PNMA8C: variants seen among roughly 807,000 people sequenced by gnomAD.
PNMA8C encodes PNMA family member 8C.
At position 46,424,929 on chromosome 19, in the gene PNMA8C, T is replaced by C. The variant is rs1969408559; in HGVS notation, c.*2816A>G. On this transcript the variant is annotated 3_prime_UTR_variant, in exon 1 of 1. Transcript: ENST00000617053. ...AAGTAGCTTCAAATGGTGACAGTTT[T>C]GCATGACAACTTGCATTGGAGTCCC... 2 of 152,328 alleles carry C rather than the reference T, an allele frequency of 1.3e-5. No homozygotes were observed. The highest frequency in any genetic ancestry group is 4.1e-4 in the South Asian group (2 of 4,834). The allele number at this position is 152,328 out of a possible 1,614,324, so 9.4% of individuals were successfully genotyped here.
rs10412620 is a variant in PNMA8C at position 46,426,334 on chromosome 19, C to A, written c.*1411G>T. 89,742 of 151,736 alleles carry A rather than the reference C, an allele frequency of 0.59. 26,755 individuals are homozygous for A. Among genetic ancestry groups the A allele is most frequent in the South Asian group, 0.68 (3,290 of 4,804 alleles). 9.4% of individuals were successfully genotyped at this position (151,736 alleles called of 1,614,324 possible). A position where few individuals can be genotyped will look rare whatever the true frequency, so the allele number is the denominator to read the frequency against. On this transcript the variant is annotated 3_prime_UTR_variant, in exon 1 of 1. Coordinates refer to ENST00000617053, the MANE Select transcript of PNMA8C (RefSeq NM_001386793.1). ...GACCACTTCTGTAAGAGAGACTCAG[C>A]GTGTAGAGAAAGACGACAGCTTTTC...
In PNMA8C at chr19:46,428,588, G is replaced by A. The variant is rs1204972563; in HGVS notation, c.-229C>T. Reference sequence around the variant, plus strand: ...CGTCGGGGCTTCTGTGGCTCCCTCTGAGTGGGCTCGAAGATTCCCAGGGAC... The same window carrying A: ...CGTCGGGGCTTCTGTGGCTCCCTCTAAGTGGGCTCGAAGATTCCCAGGGAC... On this transcript the variant is annotated 5_prime_UTR_variant, in exon 1 of 1. Coordinates refer to ENST00000617053, the MANE Select transcript of PNMA8C (RefSeq NM_001386793.1). 2.6e-6 allele frequency: 1 copy of A among 388,986 alleles called. No homozygotes were observed. The highest frequency in any genetic ancestry group is 4.5e-6 in the Non-Finnish European group (1 of 220,318). 24.1% of individuals were successfully genotyped at this position (388,986 alleles called of 1,614,324 possible).
In PNMA8C at chr19:46,427,393, T is replaced by C; in HGVS notation, c.*352A>G. On this transcript the variant is annotated 3_prime_UTR_variant, in exon 1 of 1. Transcript: ENST00000617053. ...AGGGATTTTTATTGAGTTTACTCCCTTCCATATCCCCAGCTCCTGGAACAT... is the reference window on the plus strand; with the variant it reads ...AGGGATTTTTATTGAGTTTACTCCCCTCCATATCCCCAGCTCCTGGAACAT... 5.6e-6 allele frequency: 1 copy of C among 178,766 alleles called. No individual in the cohort carries two copies. Among genetic ancestry groups the C allele is most frequent in the East Asian group, 1.5e-4 (1 of 6,606 alleles). The allele number at this position is 178,766 out of a possible 1,614,324, so 11.1% of individuals were successfully genotyped here.
At position 46,427,943 on chromosome 19, in the gene PNMA8C, G is replaced by T. The variant is rs1353180741; in HGVS notation, c.417C>A (p.Gly139=). The change falls in exon 1 of 1, where the codon GGC becomes GGA. Residue 139 remains glycine, a synonymous_variant. Coordinates refer to ENST00000617053, the MANE Select transcript of PNMA8C (RefSeq NM_001386793.1). ...ACTTTCTTGCAGGCAGCTCTCTGGGGCCCGTGGCTGGGGGACACAGTTCCT... is the reference window on the plus strand; with the variant it reads ...ACTTTCTTGCAGGCAGCTCTCTGGGTCCCGTGGCTGGGGGACACAGTTCCT... The part of the protein sequence containing the change: ...LRQELCPPAT[G]PRELPARKCS... 2 of 398,496 alleles carry T rather than the reference G, an allele frequency of 5.0e-6. No individual in the cohort carries two copies. The highest frequency in any genetic ancestry group is 8.8e-6 in the Non-Finnish European group (2 of 226,144). The allele number at this position is 398,496 out of a possible 1,614,324, so 24.7% of individuals were successfully genotyped here.
rs1969416711 is a variant in PNMA8C at position 46,425,933 on chromosome 19, C to G, written c.*1812G>C. 1 of 152,054 alleles carries G rather than the reference C, an allele frequency of 6.6e-6. No individual in the cohort carries two copies. The highest frequency in any genetic ancestry group is 2.1e-4 in the South Asian group (1 of 4,826). The allele number at this position is 152,054 out of a possible 1,614,324, so 9.4% of individuals were successfully genotyped here. On this transcript the variant is annotated 3_prime_UTR_variant, in exon 1 of 1. Transcript: ENST00000617053. ...GTCTCTGACATTACAATTTGGTAGGCTGAGTCTTTGTGTTGTGTGTAAGTT... is the reference window on the plus strand; with the variant it reads ...GTCTCTGACATTACAATTTGGTAGGGTGAGTCTTTGTGTTGTGTGTAAGTT...
In PNMA8C at chr19:46,428,523, G is replaced by C; in HGVS notation, c.-164C>G. On this transcript the variant is annotated 5_prime_UTR_variant, in exon 1 of 1. Transcript: ENST00000617053. The stretch of plus-strand genomic sequence containing the variant: ...TCCCAGGACCCCTTCGTCCAGCTCA[G>C]TGAAGGATGCCCCCAGCCCCTGCCT... The C allele has an allele frequency of 2.5e-6, 1 of 396,898 alleles. No homozygotes were observed. The highest frequency in any genetic ancestry group is 1.4e-4 in the South Asian group (1 of 7,012). The allele number at this position is 396,898 out of a possible 1,614,324, so 24.6% of individuals were successfully genotyped here.
chr19:46,428,822 GC>G lies in PNMA8C; in HGVS notation c.-464del, dbSNP rs1192681739. 2 of 153,816 alleles carry G rather than the reference GC, an allele frequency of 1.3e-5. No individual in the cohort carries two copies. The highest frequency in any genetic ancestry group is 2.9e-5 in the Non-Finnish European group (2 of 69,216). The allele number at this position is 153,816 out of a possible 1,614,324, so 9.5% of individuals were successfully genotyped here. A position where few individuals can be genotyped will look rare whatever the true frequency, so the allele number is the denominator to read the frequency against. On this transcript the variant is annotated 5_prime_UTR_variant, in exon 1 of 1. Coordinates refer to ENST00000617053, the MANE Select transcript of PNMA8C (RefSeq NM_001386793.1). ...CTGCCAACAGAGTGTCGTAGGCGCG[GC>G]CCTGGCAGGCAGGGAGGCGCGTCCC...
In PNMA8C at chr19:46,428,518, G is replaced by A; in HGVS notation, c.-159C>T. ...GCCGCTCCCAGGACCCCTTCGTCCA[G>A]CTCAGTGAAGGATGCCCCCAGCCCC... On this transcript the variant is annotated 5_prime_UTR_variant, in exon 1 of 1. Transcript: ENST00000617053. 1 of 397,028 alleles carries A rather than the reference G, an allele frequency of 2.5e-6. No individual in the cohort carries two copies. Among genetic ancestry groups the A allele is most frequent in the Non-Finnish European group, 4.4e-6 (1 of 225,580 alleles). The allele number at this position is 397,028 out of a possible 1,614,324, so 24.6% of individuals were successfully genotyped here.
rs982156700 is a variant in PNMA8C, at chr19:46,427,796, C to T, written c.564G>A (p.Arg188=). ...SKAGVGKRGK[R]KNKKNRRRHH... is the part of the protein sequence containing the mutation. ...GCCGCCGGCGGTTTTTCTTGTTCTTCCTTTTGCCCCTCTTGCCAACTCCAG... is the reference window on the plus strand; with the variant it reads ...GCCGCCGGCGGTTTTTCTTGTTCTTTCTTTTGCCCCTCTTGCCAACTCCAG... The change falls in exon 1 of 1, where the codon AGG becomes AGA. Residue 188 remains arginine (R), a synonymous_variant. Coordinates refer to ENST00000617053, the MANE Select transcript of PNMA8C (RefSeq NM_001386793.1). 1 of 396,302 alleles carries T rather than the reference C, an allele frequency of 2.5e-6. No homozygotes were observed. Among genetic ancestry groups the T allele is most frequent in the Non-Finnish European group, 4.4e-6 (1 of 225,296 alleles). 24.5% of individuals were successfully genotyped at this position (396,302 alleles called of 1,614,324 possible).
In PNMA8C at chr19:46,428,132, C is replaced by T. The variant is rs1969433943; in HGVS notation, c.228G>A (p.Glu76=). ...TGGGGACCACGGCGTAATTGATGTC[C>T]TCCGTCAGCTGAATGATGGCCGCCT... is the stretch of plus-strand genomic sequence containing the variant. The part of the protein sequence containing the change: ...KSKAAIIQLT[E]DINYAVVPRE... Residue 76 remains glutamate, a synonymous_variant, in exon 1 of 1, where the codon GAG becomes GAA. Transcript: ENST00000617053. 7.5e-6 allele frequency: 3 copies of T among 398,596 alleles called. No individual in the cohort carries two copies. The highest frequency in any genetic ancestry group is 2.5e-4 in the South Asian group (2 of 7,864). The allele number at this position is 398,596 out of a possible 1,614,324, so 24.7% of individuals were successfully genotyped here.
Position 46,428,048 on chromosome 19 carries a change from G to C in PNMA8C, c.312C>G (p.Asp104Glu). Residue 104 changes from aspartate to glutamate, a missense_variant, in exon 1 of 1, where the codon GAC becomes GAG. Asp to Glu is a conservative substitution (Grantham distance 45). Coordinates refer to ENST00000617053, the MANE Select transcript of PNMA8C (RefSeq NM_001386793.1). ...GGTTCAGCTTGGTCAGGAATTCAATGTCCTGCTTCCGGGGCATGTAGACCA... is the reference window on the plus strand; with the variant it reads ...GGTTCAGCTTGGTCAGGAATTCAATCTCCTGCTTCCGGGGCATGTAGACCA... ...WRVVYMPRKQ[D>E]IEFLTKLNLF... 2.5e-6 allele frequency: 1 copy of C among 398,728 alleles called. No individual in the cohort carries two copies. The highest frequency in any genetic ancestry group is 4.4e-6 in the Non-Finnish European group (1 of 226,212). 24.7% of individuals were successfully genotyped at this position (398,728 alleles called of 1,614,324 possible).
chr19:46,427,484 A>G lies in PNMA8C; in HGVS notation c.*261T>C, dbSNP rs117768597. On this transcript the variant is annotated 3_prime_UTR_variant, in exon 1 of 1. Transcript: ENST00000617053. ...CCACGGGCACCCAGACGTTAACCAC[A>G]CCCACTCAGATGTAACCCACAAGTT... 1,022 of 328,350 alleles carry G rather than the reference A, an allele frequency of 3.1e-3. 28 individuals carry two copies. In the East Asian group the frequency reaches 0.042, roughly 14 times the overall value. 20.3% of individuals were successfully genotyped at this position (328,350 alleles called of 1,614,324 possible).
rs533671510 is a variant in PNMA8C at position 46,425,051 on chromosome 19, TATAA to T, written c.*2690_*2693del. The stretch of plus-strand genomic sequence containing the variant: ...AACCACGCATGTTGTGTATCACAAA[TATAA>T]ATGTTATACCCCTGAAATCCACAAT... On this transcript the variant is annotated 3_prime_UTR_variant, in exon 1 of 1. Transcript: ENST00000617053. 51 of 152,328 alleles carry T rather than the reference TATAA, an allele frequency of 3.3e-4. No individual in the cohort carries two copies. Among genetic ancestry groups the T allele is most frequent in the African/African-American group, 1.2e-3 (50 of 41,582 alleles). 9.4% of individuals were successfully genotyped at this position (152,328 alleles called of 1,614,324 possible).
chr19:46,426,594 C>G lies in PNMA8C; in HGVS notation c.*1151G>C, dbSNP rs1480626238. 1 of 152,258 alleles carries G rather than the reference C, an allele frequency of 6.6e-6. No individual in the cohort carries two copies. The highest frequency in any genetic ancestry group is 6.5e-5 in the Admixed American group (1 of 15,282). 9.4% of individuals were successfully genotyped at this position (152,258 alleles called of 1,614,324 possible). ...GGGGTCCGTGCCGCCCGCCTCCCCC[C>G]AGCAAGAGAGGCTGTCCCCAGAATC... is the stretch of plus-strand genomic sequence containing the variant. On this transcript the variant is annotated 3_prime_UTR_variant, in exon 1 of 1. Coordinates refer to ENST00000617053, the MANE Select transcript of PNMA8C (RefSeq NM_001386793.1).
rs183423597 is a variant in PNMA8C, at chr19:46,424,760, G to A, written c.*2985C>T. ...TACAAAAGAGCATCTCAATCACAAA[G>A]AACAATGAAGAGTTTTAGCTGAACC... is the stretch of plus-strand genomic sequence containing the variant. On this transcript the variant is annotated 3_prime_UTR_variant, in exon 1 of 1. Transcript: ENST00000617053. 4 of 152,270 alleles carry A rather than the reference G, an allele frequency of 2.6e-5. No homozygotes were observed. The highest frequency in any genetic ancestry group is 4.2e-4 in the South Asian group (2 of 4,818). The allele number at this position is 152,270 out of a possible 1,614,324, so 9.4% of individuals were successfully genotyped here. A position where few individuals can be genotyped will look rare whatever the true frequency, so the allele number is the denominator to read the frequency against.
Position 46,428,553 on chromosome 19 carries a change from G to A in PNMA8C, c.-194C>T, listed in dbSNP as rs944940673. ...GGATGCCCCCAGCCCCTGCCTGCAGGGCTGTGCAACGTCGGGGCTTCTGTG... is the reference window on the plus strand; with the variant it reads ...GGATGCCCCCAGCCCCTGCCTGCAGAGCTGTGCAACGTCGGGGCTTCTGTG... On this transcript the variant is annotated 5_prime_UTR_variant, in exon 1 of 1. Transcript: ENST00000617053. 2 of 395,718 alleles carry A rather than the reference G, an allele frequency of 5.1e-6. No homozygotes were observed. The highest frequency in any genetic ancestry group is 8.9e-6 in the Non-Finnish European group (2 of 224,820). 24.5% of individuals were successfully genotyped at this position (395,718 alleles called of 1,614,324 possible). A position where few individuals can be genotyped will look rare whatever the true frequency, so the allele number is the denominator to read the frequency against.
rs767474771 is a variant in PNMA8C, at chr19:46,428,488, C to G, written c.-129G>C. 1 of 397,746 alleles carries G rather than the reference C, an allele frequency of 2.5e-6. No individual in the cohort carries two copies. The highest frequency in any genetic ancestry group is 4.4e-6 in the Non-Finnish European group (1 of 226,026). 24.6% of individuals were successfully genotyped at this position (397,746 alleles called of 1,614,324 possible). On this transcript the variant is annotated 5_prime_UTR_variant, in exon 1 of 1. Transcript: ENST00000617053. ...TACGAGAGAGTGAGGCCTCAGGGGC[C>G]GGAGGCCGCTCCCAGGACCCCTTCG...
Position 46,427,609 on chromosome 19 carries a change from TAGAGTC to T in PNMA8C, c.*130_*135del. The T allele has an allele frequency of 2.5e-6, 1 of 397,398 alleles. No homozygotes were observed. The highest frequency in any genetic ancestry group is 4.4e-6 in the Non-Finnish European group (1 of 225,876). The allele number at this position is 397,398 out of a possible 1,614,324, so 24.6% of individuals were successfully genotyped here. ...TCTTACTCCAAAGTTACCCACTCAC[TAGAGTC>T]ATTCCCACCCTCCCTTGCATTACCC... On this transcript the variant is annotated 3_prime_UTR_variant, in exon 1 of 1. Coordinates refer to ENST00000617053, the MANE Select transcript of PNMA8C (RefSeq NM_001386793.1).
Position 46,424,839 on chromosome 19 carries a change from C to A in PNMA8C, c.*2906G>T, listed in dbSNP as rs1969408115. On this transcript the variant is annotated 3_prime_UTR_variant, in exon 1 of 1. Coordinates refer to ENST00000617053, the MANE Select transcript of PNMA8C (RefSeq NM_001386793.1). ...CCAGATGCAGCCCTCCAACAGCTGG[C>A]ACATTCAATTTACTTGTGAATTTTT... is the stretch of plus-strand genomic sequence containing the variant. 6.6e-6 allele frequency: 1 copy of A among 152,144 alleles called. No individual in the cohort carries two copies. The highest frequency in any genetic ancestry group is 6.5e-5 in the Admixed American group (1 of 15,268). 9.4% of individuals were successfully genotyped at this position (152,144 alleles called of 1,614,324 possible).
Sources: allele counts gnomAD v4.1 joint callset, GRCh38; gene constraint gnomAD v4.1.1; transcripts MANE v1.5; gene names NCBI Gene and HGNC (gene_info 2026-07-23, HGNC 2026-07-21).